The following GARIN1A variants were observed in gnomAD, a reference collection of about 807,000 sequenced individuals.
The protein encoded by GARIN1A is Golgi-associated RAB2 interactor protein 1A.
At chr7:128,694,384 T>C in the GARIN1A span, among the ~76,000 whole-genome samples, 1 of 151,860 alleles carries the variant, frequency 6.6e-6, no homozygotes, top group African/African-American at 2.4e-5. Context: ...AATACAAAAA[T>C]TAGCCAGGCA....
At chr7:128,701,760 T>G in the GARIN1A span, among the ~76,000 whole-genome samples, 3 of 151,988 alleles carry the variant, frequency 2.0e-5, no homozygotes, top group Non-Finnish European at 4.4e-5. Context: ...ACGAGGAAAT[T>G]AAAGTTTAAA....
At chr7:128,672,183 T>G in the GARIN1A span, 1 of 488,758 alleles carries the variant, frequency 2.0e-6, no homozygotes, top group Non-Finnish European at 3.6e-6. Context: ...TTCCTCTTCT[T>G]TTTTTTTTCC....
chr7:128,703,157 A>C, the GARIN1A span, among the ~76,000 whole-genome samples: 1 of 152,260 alleles, frequency 6.6e-6, no homozygotes, highest in African/African-American at 2.4e-5. Context: ...ATCAGTAAAA[A>C]TACAGAAAAT....
the GARIN1A span, among the ~76,000 whole-genome samples, chr7:128,688,482 T>C: frequency 2.6e-5 from 4 of 152,216 alleles, no homozygotes; most frequent in East Asian, 7.7e-4. Flanking sequence ...GCTTCTTGGT[T>C]ACAAGTCAGT....
At chr7:128,683,104 A>G in the GARIN1A span, 10 of 1,612,558 alleles carry the variant, frequency 6.2e-6, no homozygotes, top group Non-Finnish European at 8.5e-6. Flanking sequence ...TGGAATGAGC[A>G]CCTTCTACAA....
chr7:128,707,209 T>C, the GARIN1A span, among the ~76,000 whole-genome samples: 2 of 91,530 alleles, frequency 2.2e-5, no homozygotes, highest in Non-Finnish European at 4.4e-5. Context: ...TTATTATTAT[T>C]GTGTGTATGT....
At chr7:128,685,747 T>A in the GARIN1A span, 1 of 152,244 alleles carries the variant, frequency 6.6e-6, no homozygotes, top group South Asian at 2.1e-4. Flanking sequence ...CCTGTTGTCC[T>A]GGTATCATTA....
the GARIN1A span, among the ~76,000 whole-genome samples, chr7:128,673,724 A>C: frequency 6.6e-6 from 1 of 152,178 alleles, no homozygotes; most frequent in Non-Finnish European, 1.5e-5. Flanking sequence ...CTGCCGCTCC[A>C]CGGTCCCTTT....
the GARIN1A span, among the ~76,000 whole-genome samples, chr7:128,708,649 G>A: frequency 1.3e-5 from 2 of 152,128 alleles, no homozygotes; most frequent in African/African-American, 4.8e-5. Context: ...GTGAGAACAC[G>A]GACAATATTA....
At chr7:128,695,435 G>T in the GARIN1A span, among the ~76,000 whole-genome samples, 1 of 152,214 alleles carries the variant, frequency 6.6e-6, no homozygotes, top group Admixed American at 6.5e-5. The surrounding 1 kb of genome is among the most constrained non-coding windows in gnomAD (Gnocchi z 4.5). Context: ...CCGGAATGGG[G>T]TCTCCCTGCA....
At chr7:128,701,134 T>C in the GARIN1A span, among the ~76,000 whole-genome samples, 51 of 151,086 alleles carry the variant, frequency 3.4e-4, no homozygotes, top group Non-Finnish European at 5.9e-5. Context: ...GTAAACTGAG[T>C]GTATTTTTAA....
At chr7:128,688,301 C>T in the GARIN1A span, among the ~76,000 whole-genome samples, 626 of 152,212 alleles carry the variant, frequency 4.1e-3, 2 homozygotes, top group Non-Finnish European at 5.4e-3. Flanking sequence ...TGAGCCACCG[C>T]GCCTGGCCCC....
At chr7:128,684,916 T>A in the GARIN1A span, 2 of 152,100 alleles carry the variant, frequency 1.3e-5, no homozygotes, top group Non-Finnish European at 2.9e-5. Flanking sequence ...CTTTTTTTTT[T>A]TTTTTGAGAC....
the GARIN1A span, among the ~76,000 whole-genome samples, chr7:128,682,623 G>A: frequency 3.3e-5 from 5 of 152,128 alleles, no homozygotes; most frequent in Admixed American, 2.6e-4. Context: ...ACTCTGTCAC[G>A]TAGGCTGGAA....
the GARIN1A span, chr7:128,684,653 T>C: frequency 0.27 from 39,992 of 149,356 alleles, 5,825 homozygotes; most frequent in East Asian, 0.54. Context: ...AATTAGGTCT[T>C]CATTGCCCTG....
At chr7:128,674,364 A>T in the GARIN1A span, among the ~76,000 whole-genome samples, 176 of 152,276 alleles carry the variant, frequency 1.2e-3, no homozygotes, top group African/African-American at 4.2e-3. Context: ...GCTTCAAGTG[A>T]TACTCCGGCT....
the GARIN1A span, chr7:128,677,515 A>AAAAG: frequency 6.1e-6 from 9 of 1,463,588 alleles, no homozygotes; most frequent in Non-Finnish European, 8.1e-6. Flanking sequence ...AAAAAAAAAA[A>AAAAG]AAAAAGAAAC....
the GARIN1A span, chr7:128,677,572 C>T: frequency 1.2e-6 from 2 of 1,605,614 alleles, no homozygotes; most frequent in East Asian, 2.2e-5. Flanking sequence ...AGGCTTCTCC[C>T]CCTGAAGTAC....
the GARIN1A span, chr7:128,685,750 T>A: frequency 1.3e-5 from 2 of 152,228 alleles, no homozygotes; most frequent in African/African-American, 4.8e-5. Context: ...GTTGTCCTGG[T>A]ATCATTATTA....
Sources: gnomAD v4.1 joint callset for allele counts (sites outside exome capture counted in the v4.1 genomes callset) on GRCh38, gnomAD v4.1.1 for gene constraint, Gnocchi (gnomAD v3.1) non-coding constraint, MANE v1.5 for transcripts, NCBI Gene and HGNC (gene_info 2026-07-23, HGNC 2026-07-21) for gene names.